The following SFMBT2 variants were observed in gnomAD, a reference collection of about 807,000 sequenced individuals.
SFMBT2 encodes scm-like with four MBT domains protein 2.
SFMBT2 carries 38 observed loss-of-function variants against 110.1 expected under a neutral mutation model. That is an observed-to-expected ratio of 0.35 (90% CI 0.27 to 0.45). The LOEUF (loss-of-function observed/expected upper bound fraction) is 0.45. SFMBT2 is among the 20% of genes least tolerant of loss of function. The probability of loss-of-function intolerance (pLI) is 1.00; values close to 1 mark genes in which losing one functional copy is unlikely to be tolerated. For missense variants in SFMBT2, 1,011 were observed against 1,094.9 expected (o/e 0.92, Z 1.08); for synonymous variants, 425 against 425.4 (o/e 1.00, Z 0.01).
At chr10:7,247,616 C>T (rs1840659569) in intron 8 of SFMBT2, among the ~76,000 whole-genome samples, 1 of 152,154 alleles carries the variant, frequency 6.6e-6, no homozygotes, top group Admixed American at 6.5e-5. Flanking sequence ...AAACACTAAT[C>T]ACTGCATGAA....
intron 4 of SFMBT2, among the ~76,000 whole-genome samples, chr10:7,353,040 T>C (rs772322664): frequency 1.3e-5 from 2 of 151,184 alleles, no homozygotes; most frequent in East Asian, 3.9e-4. Flanking sequence ...AATAAATAAA[T>C]AAAATAAGTA....
In SFMBT2 at chr10:7,255,990, A is replaced by G. The variant is rs189101636; in HGVS notation, c.871-7341T>C. Among the ~76,000 whole-genome samples, 11 of 152,350 alleles carry G rather than the reference A, an allele frequency of 7.2e-5. No individual in the cohort carries two copies. The East Asian group carries it at 1.2e-3, about 16-fold the overall frequency. On this transcript the variant is annotated intron_variant, in intron 7 of 20. Coordinates refer to ENST00000397167, the MANE Select transcript of SFMBT2 (RefSeq NM_001387889.1). ...ACACGTCTGGTCCCAGGCATTTTGG[A>G]TAAGAGATGCTCAGGCTGTAATATC...
intron 4 of SFMBT2, among the ~76,000 whole-genome samples, chr10:7,336,791 C>T (rs1843728378): frequency 6.6e-6 from 1 of 152,074 alleles, no homozygotes; most frequent in South Asian, 2.1e-4. Flanking sequence ...CAGGGAAAGG[C>T]CACTGAGTTT....
At chr10:7,359,932 C>A (rs956043111) in intron 4 of SFMBT2, among the ~76,000 whole-genome samples, 2 of 131,620 alleles carry the variant, frequency 1.5e-5, no homozygotes, top group African/African-American at 5.0e-5. Flanking sequence ...CAGAACTGGC[C>A]AGAATCCTCT....
At chr10:7,390,024 G>C (rs1247797006) in intron 1 of SFMBT2, among the ~76,000 whole-genome samples, 1 of 152,144 alleles carries the variant, frequency 6.6e-6, no homozygotes, top group Admixed American at 6.5e-5. Context: ...TCTTCAACTA[G>C]CCAAACATAA....
In SFMBT2 at chr10:7,410,995, G is replaced by C. The variant is rs1320052643; in HGVS notation, c.-186C>G. ...CGCCCGCCGCCTCCCTCGCGCGCCC[G>C]CTCCGGTCCTCCGGCTCCCACTACA... On this transcript the variant is annotated 5_prime_UTR_variant, in exon 1 of 21. Coordinates refer to ENST00000397167, the MANE Select transcript of SFMBT2 (RefSeq NM_001387889.1). Among the ~76,000 whole-genome samples, 2 of 145,216 alleles carry C rather than the reference G, an allele frequency of 1.4e-5. No homozygotes were observed. Among genetic ancestry groups the C allele is most frequent in the African/African-American group, 2.6e-5 (1 of 38,580 alleles).
rs1330297402 is a variant in SFMBT2, at chr10:7,285,896, C to G, written c.495G>C (p.Ser165=). 1 of 872,600 alleles carries G rather than the reference C, an allele frequency of 1.1e-6. No individual in the cohort carries two copies. The highest frequency in any genetic ancestry group is 1.3e-5 in the South Asian group (1 of 76,520). The allele number at this position is 872,600 out of a possible 1,614,324, so 54.1% of individuals were successfully genotyped here. A position where few individuals can be genotyped will look rare whatever the true frequency, so the allele number is the denominator to read the frequency against. The change falls in exon 5 of 21, where the codon TCG becomes TCC. Residue 165 remains serine, a synonymous_variant. Coordinates refer to ENST00000397167, the MANE Select transcript of SFMBT2 (RefSeq NM_001387889.1). ...TEFLIRDLTG[S]RTAPANLLEG... ...CCAGGAGGTTGGCGGGTGCTGTCCTCGAACCAGTCAAGTCACGTATGAGAA... is the reference window on the plus strand; with the variant it reads ...CCAGGAGGTTGGCGGGTGCTGTCCTGGAACCAGTCAAGTCACGTATGAGAA...
rs532171289 is a variant in SFMBT2, at chr10:7,229,155, G to GT, written c.1121-1219dup. ...AGTAAATCTCTAAGAGATTTCTTATGTTTTTTTATCCAAATCCCCCAGTTT... is the reference window on the plus strand; with the variant it reads ...AGTAAATCTCTAAGAGATTTCTTATGTTTTTTTTATCCAAATCCCCCAGTTT... On this transcript the variant is annotated intron_variant, in intron 9 of 20. Transcript: ENST00000397167. 2.9e-3 allele frequency among the ~76,000 whole-genome samples: 440 copies of GT among 151,342 alleles called. 5 individuals are homozygous for GT. Among genetic ancestry groups the GT allele is most frequent in the South Asian group, 0.02 (95 of 4,828 alleles).
chr10:7,352,050 T>C (rs1844341143), intron 4 of SFMBT2, among the ~76,000 whole-genome samples: 1 of 151,924 alleles, frequency 6.6e-6, no homozygotes, highest in Admixed American at 6.6e-5. Flanking sequence ...TTTTCTGGGC[T>C]CCTTTCAGTG....
At chr10:7,329,623 G>C (rs1843505907) in intron 4 of SFMBT2, 1 of 507,820 alleles carries the variant, frequency 2.0e-6, no homozygotes, top group African/African-American at 2.1e-5. Flanking sequence ...AATCCAGATG[G>C]AACACAGCAA....
chr10:7,180,064 G>C lies in SFMBT2; in HGVS notation c.1809-3899C>G, dbSNP rs1485428199. 2.0e-5 allele frequency among the ~76,000 whole-genome samples: 3 copies of C among 152,178 alleles called. No individual in the cohort carries two copies. In the East Asian group the frequency reaches 5.8e-4, roughly 29 times the overall value. Reference sequence around the variant, plus strand: ...GCTGCCTGGACCCCTTCACTGGGGGGCTTGTTGCCCCACCTGCTGGGAGAA... The same window carrying C: ...GCTGCCTGGACCCCTTCACTGGGGGCCTTGTTGCCCCACCTGCTGGGAGAA... On this transcript the variant is annotated intron_variant, in intron 16 of 20. Transcript: ENST00000397167.
chr10:7,183,586 C>T (rs895618961), intron 16 of SFMBT2, among the ~76,000 whole-genome samples: 2 of 152,198 alleles, frequency 1.3e-5, no homozygotes, highest in Non-Finnish European at 2.9e-5. Context: ...GAAATGGAGA[C>T]TGCCATAAAT....
intron 7 of SFMBT2, among the ~76,000 whole-genome samples, chr10:7,267,452 CTGTT>C (rs772760743): frequency 1.0e-3 from 159 of 152,228 alleles, no homozygotes; most frequent in Non-Finnish European, 1.9e-3. Context: ...AGTTGTCTTT[CTGTT>C]TGTTTGTTTG....
rs571881235 is a variant in SFMBT2, at chr10:7,395,187, C to T, written c.-51-13238G>A. Among the ~76,000 whole-genome samples the T allele has an allele frequency of 5.3e-5, 8 of 152,190 alleles. No individual in the cohort carries two copies. The South Asian group carries it at 6.2e-4, about 12-fold the overall frequency. On this transcript the variant is annotated intron_variant, in intron 1 of 20. Coordinates refer to ENST00000397167, the MANE Select transcript of SFMBT2 (RefSeq NM_001387889.1). ...TACAAAAGCTAGCCCAGCGTGGTGG[C>T]GCGCACCTGTAATCCCAGCTACTCA...
At chr10:7,232,796 A>G (rs114545610) in intron 9 of SFMBT2, among the ~76,000 whole-genome samples, 2,340 of 152,320 alleles carry the variant, frequency 0.015, 71 homozygotes, top group African/African-American at 0.052. Flanking sequence ...AAAACACAGA[A>G]TCTTTGCCCT....
At chr10:7,368,026 G>T in intron 3 of SFMBT2, 137 bp from the exon 4 acceptor site, 1 of 1,270,076 alleles carries the variant, frequency 7.9e-7, no homozygotes, top group Non-Finnish European at 1.1e-6. Context: ...ATTTATCTAA[G>T]TAATACACTA....
At chr10:7,195,184 T>A (rs953376138) in intron 15 of SFMBT2, among the ~76,000 whole-genome samples, 2 of 152,214 alleles carry the variant, frequency 1.3e-5, no homozygotes, top group Non-Finnish European at 2.9e-5. Flanking sequence ...CAATTCTCAC[T>A]CTAGGGTCCT....
intron 1 of SFMBT2, among the ~76,000 whole-genome samples, chr10:7,386,248 G>A (rs1276578716): frequency 6.6e-6 from 1 of 152,170 alleles, no homozygotes; most frequent in African/African-American, 2.4e-5. Flanking sequence ...ATCTTGTCCA[G>A]TAAGTACAAA....
intron 10 of SFMBT2, among the ~76,000 whole-genome samples, chr10:7,222,291 C>T (rs919021908): frequency 6.6e-6 from 1 of 152,214 alleles, no homozygotes; most frequent in Non-Finnish European, 1.5e-5. Context: ...ATTAAAGCTG[C>T]CATAAACATT....
Sources: gnomAD v4.1 joint callset for allele counts (sites outside exome capture counted in the v4.1 genomes callset) on GRCh38, gnomAD v4.1.1 for gene constraint, MANE v1.5 for transcripts, NCBI Gene and HGNC (gene_info 2026-07-23, HGNC 2026-07-21) for gene names.